TPH2: variants seen among roughly 807,000 people sequenced by gnomAD.
TPH2 encodes the protein tryptophan 5-hydroxylase 2.
TPH2 carries 27 observed loss-of-function variants against 59.1 expected under a neutral mutation model. The observed-to-expected ratio is 0.46, with a 90% CI of 0.34 to 0.63. The LOEUF (loss-of-function observed/expected upper bound fraction) is 0.63, where lower values mean the gene tolerates loss of function less well. TPH2 is among the 30% of genes least tolerant of loss of function. TPH2 has a pLI of 0.01. For synonymous variants in TPH2, 220 were observed against 210.5 expected (o/e 1.05, Z -0.39); for missense variants, 523 against 588.3 (o/e 0.89, Z 1.15).
intron 2 of TPH2, 124 bp from the exon 3 acceptor site, chr12:71,944,166 GAACA>G: frequency 1.1e-6 from 1 of 919,354 alleles, no homozygotes; most frequent in Non-Finnish European, 1.7e-6. Flanking sequence ...TTTATTCAAA[GAACA>G]AAGAGATTGT....
intron 4 of TPH2, among the ~76,000 whole-genome samples, chr12:71,948,297 A>G (rs1262156196): frequency 2.0e-5 from 3 of 152,110 alleles, no homozygotes; most frequent in African/African-American, 4.8e-5. Context: ...AAAAACTCCC[A>G]ATTCACAGTA....
intron 9 of TPH2, among the ~76,000 whole-genome samples, chr12:72,024,515 C>T (rs1460430391): frequency 6.6e-6 from 1 of 152,230 alleles, no homozygotes; most frequent in Non-Finnish European, 1.5e-5. Context: ...CCCACAGCAA[C>T]AGCATAATGC....
intron 7 of TPH2, among the ~76,000 whole-genome samples, chr12:71,985,366 G>T (rs1257183449): frequency 6.6e-6 from 1 of 152,036 alleles, no homozygotes; most frequent in Non-Finnish European, 1.5e-5. Flanking sequence ...TTTTCCAATG[G>T]CATATTTTGT....
At chr12:71,982,032 T>TTTTTTTTTTTTTTTTTTTTTAA in intron 7 of TPH2, among the ~76,000 whole-genome samples, 1 of 144,432 alleles carries the variant, frequency 6.9e-6, no homozygotes, top group African/African-American at 2.6e-5. Context: ...TTTTTTTTTT[T>TTTTTTTTTTTTTTTTTTTTTAA]AGACAGAGTC....
At chr12:72,014,344 T>C (rs1873180002) in intron 8 of TPH2, among the ~76,000 whole-genome samples, 1 of 152,108 alleles carries the variant, frequency 6.6e-6, no homozygotes, top group African/African-American at 2.4e-5. Context: ...CAAAAACCTA[T>C]TTTCTGCTAT....
intron 5 of TPH2, chr12:71,961,718 A>G (rs1448387459): frequency 1.3e-5 from 18 of 1,348,578 alleles, no homozygotes; most frequent in Non-Finnish European, 1.7e-5. Flanking sequence ...GTTTTTGCAG[A>G]TGAAAATCAC....
At chr12:71,958,961 G>A (rs1418625027) in intron 5 of TPH2, among the ~76,000 whole-genome samples, 1 of 151,988 alleles carries the variant, frequency 6.6e-6, no homozygotes, top group Non-Finnish European at 1.5e-5. Context: ...GTGAGCTTGT[G>A]AATATTCTAC....
At chr12:71,948,731 T>C (rs1871266858) in intron 4 of TPH2, among the ~76,000 whole-genome samples, 1 of 152,180 alleles carries the variant, frequency 6.6e-6, no homozygotes, top group Admixed American at 6.5e-5. Context: ...AGGGCTGTAG[T>C]GGTAGGAGTC....
At chr12:71,944,230 A>G (rs1004861531) in intron 2 of TPH2, 64 bp from the exon 3 acceptor site, 4 of 1,581,162 alleles carry the variant, frequency 2.5e-6, no homozygotes, top group African/African-American at 1.3e-5. Context: ...TGTGAACAAG[A>G]AAAGCTCATG....
At chr12:71,979,786 C>T (rs1007785165) in intron 7 of TPH2, among the ~76,000 whole-genome samples, 8 of 152,342 alleles carry the variant, frequency 5.3e-5, no homozygotes, top group Non-Finnish European at 1.0e-4. Flanking sequence ...CCTAATCACA[C>T]GTGGGATTGT....
chr12:71,956,224 T>C (rs1450203433), intron 5 of TPH2, among the ~76,000 whole-genome samples: 1 of 152,208 alleles, frequency 6.6e-6, no homozygotes, highest in East Asian at 1.9e-4. Flanking sequence ...CTATAATGCC[T>C]TTTATAACCT....
chr12:71,941,443 T>A, intron 1 of TPH2, 141 bp from the exon 2 acceptor site: 1 of 1,004,152 alleles, frequency 1.0e-6, no homozygotes, highest in Non-Finnish European at 1.5e-6. Flanking sequence ...AAGTTATGAG[T>A]GACACGGCAA....
intron 5 of TPH2, among the ~76,000 whole-genome samples, chr12:71,951,217 C>T (rs550906356): frequency 1.3e-5 from 2 of 152,216 alleles, no homozygotes; most frequent in Admixed American, 6.5e-5. Context: ...AGAGAGGACT[C>T]GGATGGGCTG....
chr12:71,948,596 A>C (rs1196608708), intron 4 of TPH2, among the ~76,000 whole-genome samples: 2 of 152,178 alleles, frequency 1.3e-5, no homozygotes, highest in Non-Finnish European at 2.9e-5. Context: ...CAGCAGAGGT[A>C]GTCTAGGCCT....
In TPH2 at chr12:71,944,337, G is replaced by T; in HGVS notation, c.299G>T (p.Arg100Leu). Residue 100 changes from arginine to leucine, a missense_variant, in exon 3 of 11, where the codon CGG becomes CTG. By Grantham distance (102) the Arg-to-Leu change is moderately radical (BLOSUM62 -2). Transcript: ENST00000333850. ...GTTCATATTGAATCCAGGAAATCTC[G>T]GCGAAGAAGTTCTGAGGTTGAAATC... The part of the protein sequence containing the change: ...NMVHIESRKS[R>L]RRSSEVEIFV... 6.2e-7 allele frequency: 1 copy of T among 1,613,750 alleles called. No individual in the cohort carries two copies. The highest frequency in any genetic ancestry group is 8.5e-7 in the Non-Finnish European group (1 of 1,179,780).
At chr12:71,944,531 A>G (rs879436020) in intron 3 of TPH2, 54 bp downstream of exon 3, 4 of 1,613,772 alleles carry the variant, frequency 2.5e-6, no homozygotes, top group Middle Eastern at 1.6e-4. Context: ...AATATTGCAA[A>G]GGGGAAAACA....
chr12:71,997,851 T>C (rs1375402987), intron 8 of TPH2, among the ~76,000 whole-genome samples: 3 of 152,182 alleles, frequency 2.0e-5, no homozygotes, highest in Admixed American at 6.5e-5. Context: ...TATTTTTTAT[T>C]TATATACATG....
chr12:72,020,528 GC>G (rs1873381070), intron 8 of TPH2, among the ~76,000 whole-genome samples: 1 of 152,072 alleles, frequency 6.6e-6, no homozygotes, highest in African/African-American at 2.4e-5. Flanking sequence ...TGCTCTTGTT[GC>G]CCAGGCTGGA....
chr12:72,029,476 A>G (rs983364308), intron 9 of TPH2, among the ~76,000 whole-genome samples: 2 of 152,286 alleles, frequency 1.3e-5, no homozygotes, highest in African/African-American at 2.4e-5. Flanking sequence ...CAGGAAGCCA[A>G]TTTTTTGCAG....
Sources: allele counts gnomAD v4.1 joint callset (sites outside exome capture counted in the v4.1 genomes callset), GRCh38; gene constraint gnomAD v4.1.1; transcripts MANE v1.5; gene names NCBI Gene and HGNC (gene_info 2026-07-23, HGNC 2026-07-21).